Variants in L3MBTL1 observed in about 807,000 individuals in gnomAD.
L3MBTL1 encodes lethal(3)malignant brain tumor-like protein 1.
A neutral mutation model predicts 105.3 loss-of-function variants in L3MBTL1; 75 were observed. The ratio of observed to expected loss-of-function variants is 0.71; its 90% CI spans 0.59 to 0.86. L3MBTL1 has a LOEUF of 0.86. Among genes scored for constraint, L3MBTL1 ranks in the 40% least tolerant of loss-of-function variants. The pLI is 0.00. For synonymous variants in L3MBTL1, 452 were observed against 436.2 expected (o/e 1.04, Z -0.45); for missense variants, 1,069 against 1,126.4 (o/e 0.95, Z 0.73).
chr20:43,518,139 T>C (rs2018499935), intron 7 of L3MBTL1, among the ~76,000 whole-genome samples: 1 of 151,532 alleles, frequency 6.6e-6, no homozygotes, highest in Non-Finnish European at 1.5e-5. Context: ...TAGTGTGACA[T>C]TTTCCCCCAA....
chr20:43,545,599 G>T (rs1434590973), downstream of L3MBTL1, among the ~76,000 whole-genome samples: 1 of 152,142 alleles, frequency 6.6e-6, no homozygotes, highest in Non-Finnish European at 1.5e-5. Flanking sequence ...GAATAGAGTG[G>T]CAGACTCCTT....
In L3MBTL1 at chr20:43,514,657, C is replaced by T; in HGVS notation, c.383C>T (p.Pro128Leu). The change falls in exon 4 of 22, where the codon CCG becomes CTG. Residue 128 changes from proline (P) to leucine (L), a missense_variant. Pro to Leu is a moderately conservative substitution (Grantham distance 98). Transcript: ENST00000418998. Reference sequence around the variant, plus strand: ...CAGTTCCGGATAAGCGAGTATAAGCCGCTGAACATGGCGGGAGTGGAGCAG... The same window carrying T: ...CAGTTCCGGATAAGCGAGTATAAGCTGCTGAACATGGCGGGAGTGGAGCAG... The part of the protein sequence containing the change: ...GLRFRISEYK[P>L]LNMAGVEQPP... 1.9e-6 allele frequency: 3 copies of T among 1,596,746 alleles called. No homozygotes were observed. The highest frequency in any genetic ancestry group is 2.6e-6 in the Non-Finnish European group (3 of 1,171,992).
chr20:43,514,527 C>A, intron 3 of L3MBTL1, 108 bp from the exon 4 acceptor site: 3 of 1,569,238 alleles, frequency 1.9e-6, no homozygotes, highest in East Asian at 2.4e-5. Context: ...TTGAGGCCTG[C>A]TGAGGGCGTG....
In L3MBTL1 at chr20:43,540,239, G is replaced by A. The variant is rs117358971; in HGVS notation, c.2262G>A (p.Gln754=). The A allele has an allele frequency of 2.8e-3, 4,557 of 1,613,788 alleles. 91 individuals are homozygous for A. The East Asian group carries it at 0.034, about 12-fold the overall frequency. ...PDRSLSVCWE[Q]HCKLLPGVAG... ...GCTCACTCTCAGTGTGCTGGGAGCA[G>A]CACTGCAAGCTCCTGCCAGGAGTAG... The change falls in exon 20 of 22, where the codon CAG becomes CAA. Residue 754 remains glutamine, a synonymous_variant. Transcript: ENST00000418998.
chr20:43,514,491 GGAGT>G, intron 3 of L3MBTL1, 140 bp from the exon 4 acceptor site: 1 of 1,536,478 alleles, frequency 6.5e-7, no homozygotes, highest in South Asian at 1.2e-5. Context: ...GGTGTAGCTT[GGAGT>G]GAGGCCCCCT....
At position 43,513,554 on chromosome 20, in the gene L3MBTL1, C is replaced by T; in HGVS notation, c.51C>T (p.Ser17=). The change falls in exon 2 of 22, where the codon TCC becomes TCT. Residue 17 remains serine, a synonymous_variant. Transcript: ENST00000418998. ...MEMLRTLKGP[S]TGEVSMHLVA... ...TGCTGAGGACACTGAAGGGGCCTTC[C>T]ACAGGGGAGGTCAGCATGCACTTGG... The T allele has an allele frequency of 6.4e-7, 1 of 1,550,766 alleles. No homozygotes were observed. The highest frequency in any genetic ancestry group is 1.2e-5 in the South Asian group (1 of 84,062).
downstream of L3MBTL1, among the ~76,000 whole-genome samples, chr20:43,543,395 C>T (rs1380758539): frequency 6.6e-6 from 1 of 152,176 alleles, no homozygotes; most frequent in Non-Finnish European, 1.5e-5. Context: ...CAGAGCCACC[C>T]AAGTTTCATC....
intron 19 of L3MBTL1, among the ~76,000 whole-genome samples, chr20:43,538,656 G>A (rs73907818): frequency 0.025 from 3,836 of 152,308 alleles, 150 homozygotes; most frequent in African/African-American, 0.088. Context: ...GCTACTGAAG[G>A]AACTGAGGAG....
downstream of L3MBTL1, among the ~76,000 whole-genome samples, chr20:43,545,557 A>G (rs1332778835): frequency 6.6e-6 from 1 of 152,112 alleles, no homozygotes; most frequent in East Asian, 1.9e-4. Context: ...CAGTATCTCC[A>G]GTGCTTCCCC....
chr20:43,547,919 T>C (rs1366015876), intron 18 of L3MBTL1, among the ~76,000 whole-genome samples: 1 of 152,212 alleles, frequency 6.6e-6, no homozygotes, highest in East Asian at 1.9e-4. Flanking sequence ...TCTTCCTTTT[T>C]TCCTTTCTCC....
intron 7 of L3MBTL1, among the ~76,000 whole-genome samples, chr20:43,523,064 G>C (rs984601585): frequency 6.6e-6 from 1 of 151,594 alleles, no homozygotes; most frequent in Admixed American, 6.6e-5. Context: ...GCCGAGATCC[G>C]CCACTGCACT....
Position 43,540,776 on chromosome 20 carries a change from G to A in L3MBTL1, c.2355G>A (p.Leu785=). Reference sequence around the variant, plus strand: ...AGGTCTTCGGCTTTGTTCAGACCCTGACAGGTTGTGAGGACCAAGCACGCC... The same window carrying A: ...AGGTCTTCGGCTTTGTTCAGACCCTAACAGGTTGTGAGGACCAAGCACGCC... The part of the protein sequence containing the change: ...IDEVFGFVQT[L]TGCEDQARLF... The change falls in exon 21 of 22, where the codon CTG becomes CTA. Residue 785 remains leucine, a synonymous_variant. Transcript: ENST00000418998. 6.2e-7 allele frequency: 1 copy of A among 1,614,214 alleles called. No individual in the cohort carries two copies. Among genetic ancestry groups the A allele is most frequent in the Non-Finnish European group, 8.5e-7 (1 of 1,180,050 alleles).
chr20:43,533,488 C>T (rs1033757732), intron 13 of L3MBTL1, 70 bp downstream of exon 13: 128 of 1,291,678 alleles, frequency 9.9e-5, no homozygotes, highest in Non-Finnish European at 1.3e-4. Flanking sequence ...TGACCCCTCA[C>T]CAGTAGTGCC....
At chr20:43,542,851 CT>C (rs1403561616), downstream of L3MBTL1, among the ~76,000 whole-genome samples, 1 of 152,138 alleles carries the variant, frequency 6.6e-6, no homozygotes, top group Non-Finnish European at 1.5e-5. Context: ...ACGTTGTTAT[CT>C]GTATCTGTAG....
chr20:43,514,172 T>A, intron 3 of L3MBTL1, 111 bp downstream of exon 3: 1 of 999,212 alleles, frequency 1.0e-6, no homozygotes, highest in South Asian at 1.5e-5. Context: ...GCTCAGATGA[T>A]GGGCCCTAGG....
chr20:43,535,892 G>C lies in L3MBTL1; in HGVS notation c.1881G>C (p.Arg627Ser). 1 of 1,613,392 alleles carries C rather than the reference G, an allele frequency of 6.2e-7. No homozygotes were observed. The highest frequency in any genetic ancestry group is 8.5e-7 in the Non-Finnish European group (1 of 1,179,724). Reference sequence around the variant, plus strand: ...GGGGCTGTCCCCCTCTCAGCTATAGGAGCCTGCCCCACACTAGGACCTCCA... The same window carrying C: ...GGGGCTGTCCCCCTCTCAGCTATAGCAGCCTGCCCCACACTAGGACCTCCA... ...SPGGCPPLSYRSLPHTRTSKY... is the reference protein window; with the variant it reads ...SPGGCPPLSYSSLPHTRTSKY... Residue 627 changes from arginine to serine, a missense_variant, in exon 17 of 22, where the codon AGG (arginine) becomes AGC (serine). Transcript: ENST00000418998.
chr20:43,541,135 C>G lies in L3MBTL1; in HGVS notation c.*7C>G, dbSNP rs376792567. On this transcript the variant is annotated 3_prime_UTR_variant, in exon 22 of 22. Transcript: ENST00000418998. ...CAGTGATAGTCAATATTAAAGTGTACTTTTTTCCCCTTTAATCCAATATAG... is the reference window on the plus strand; with the variant it reads ...CAGTGATAGTCAATATTAAAGTGTAGTTTTTTCCCCTTTAATCCAATATAG... 6.2e-7 allele frequency: 1 copy of G among 1,610,132 alleles called. No homozygotes were observed. Among genetic ancestry groups the G allele is most frequent in the African/African-American group, 1.3e-5 (1 of 74,840 alleles).
rs1464623706 is a variant in L3MBTL1, at chr20:43,541,563, A to G, written c.*435A>G. ...ATAGAATGTACTTACACAAACCTAG[A>G]TGTTATATGTATTTTTATTTACATG... On this transcript the variant is annotated 3_prime_UTR_variant, in exon 22 of 22. Coordinates refer to ENST00000418998, the MANE Select transcript of L3MBTL1 (RefSeq NM_001377303.1). 1 of 162,102 alleles carries G rather than the reference A, an allele frequency of 6.2e-6. No individual in the cohort carries two copies. The highest frequency in any genetic ancestry group is 1.3e-5 in the Non-Finnish European group (1 of 74,124). The allele number at this position is 162,102 out of a possible 1,614,324, so 10.0% of individuals were successfully genotyped here.
chr20:43,529,117 G>T, intron 8 of L3MBTL1, 147 bp from the exon 9 acceptor site: 1 of 641,434 alleles, frequency 1.6e-6, no homozygotes, highest in South Asian at 1.9e-5. Context: ...TCTCTCTCTA[G>T]ATCCCTGTAG....
Sources: allele counts gnomAD v4.1 joint callset (sites outside exome capture counted in the v4.1 genomes callset), GRCh38; gene constraint gnomAD v4.1.1; transcripts MANE v1.5; gene names NCBI Gene and HGNC (gene_info 2026-07-23, HGNC 2026-07-21).